MAGI2: variants seen among roughly 807,000 people sequenced by gnomAD.
MAGI2 encodes the protein membrane-associated guanylate kinase, WW and PDZ domain-containing protein 2.
In MAGI2, 35 loss-of-function variants were observed where a neutral mutation model predicts 133.3. The ratio of observed to expected loss-of-function variants is 0.26; its 90% confidence interval spans 0.20 to 0.35. The LOEUF is 0.35. Ranked by LOEUF, MAGI2 falls within the 10% of genes least tolerant of loss-of-function variation. The probability of loss-of-function intolerance (pLI) is 1.00; values close to 1 mark genes in which losing one functional copy is unlikely to be tolerated. For synonymous variants in MAGI2, 729 were observed against 710.6 expected, an observed-to-expected ratio of 1.03 and a Z score of -0.41; for missense variants, 1,636 against 1,863.4, an observed-to-expected ratio of 0.88 and a Z score of 2.25.
chr7:78,638,938 A>G (rs1290316502), intron 2 of MAGI2, among the ~76,000 whole-genome samples: 1 of 152,214 alleles, frequency 6.6e-6, no homozygotes, highest in African/African-American at 2.4e-5. Flanking sequence ...GAAAAGAAAG[A>G]TCAGTGACTT....
intron 2 of MAGI2, among the ~76,000 whole-genome samples, chr7:78,855,843 A>G (rs1235909952): frequency 2.0e-5 from 3 of 152,168 alleles, no homozygotes; most frequent in Non-Finnish European, 2.9e-5. Context: ...GTCTTCCACA[A>G]TGGTTGAACT....
intron 6 of MAGI2, among the ~76,000 whole-genome samples, chr7:78,397,431 G>T (rs535015368): frequency 4.4e-4 from 66 of 150,744 alleles, no homozygotes; most frequent in African/African-American, 1.6e-3. Flanking sequence ...CCATCAATAA[G>T]TTCCTTTGAT....
intron 1 of MAGI2, chr7:79,125,281 A>G (rs1249515483): frequency 4.0e-5 from 18 of 453,826 alleles, no homozygotes; most frequent in Non-Finnish European, 6.8e-5. Context: ...GCCCTGCCAA[A>G]ACAAGAGATG....
intron 1 of MAGI2, among the ~76,000 whole-genome samples, chr7:79,093,980 G>C (rs1817311541): frequency 6.6e-6 from 1 of 152,028 alleles, no homozygotes; most frequent in South Asian, 2.1e-4. Context: ...CTCCCAAAGT[G>C]CTGGAGTTAC....
rs189176553 is a variant in MAGI2 at position 78,804,533 on chromosome 7, C to T, written c.419-177294G>A. Among the ~76,000 whole-genome samples the T allele has an allele frequency of 5.3e-4, 74 of 140,950 alleles. 1 individual carries two copies. In the East Asian group the frequency reaches 0.014, roughly 26 times the overall value. The allele number at this position is 140,950 out of a possible 152,430, so 92.5% of individuals were successfully genotyped here. ...GGAGGCCGAGGCAGGCGGATCATGA[C>T]GTCAGGAAATCGAGACCCTCCTGGC... On this transcript the variant is annotated intron_variant, in intron 2 of 21. Coordinates refer to ENST00000354212, the MANE Select transcript of MAGI2 (RefSeq NM_012301.4).
chr7:79,303,386 C>G (rs1197343758), intron 1 of MAGI2, among the ~76,000 whole-genome samples: 4 of 152,074 alleles, frequency 2.6e-5, no homozygotes, highest in Admixed American at 2.0e-4. Flanking sequence ...ACTTTAGTAC[C>G]TTGGGATATT....
intron 1 of MAGI2, among the ~76,000 whole-genome samples, chr7:79,181,026 G>A (rs1826570562): frequency 1.3e-5 from 2 of 151,918 alleles, no homozygotes; most frequent in Admixed American, 1.3e-4. Flanking sequence ...CCACCTCTAT[G>A]GCTTTGCAGG....
intron 21 of MAGI2, among the ~76,000 whole-genome samples, chr7:78,071,419 C>T (rs551973953): frequency 1.3e-5 from 2 of 152,180 alleles, no homozygotes; most frequent in Non-Finnish European, 2.9e-5. Flanking sequence ...TACCTGTAGT[C>T]CCAGCTACTC....
chr7:78,467,626 T>A (rs571795315), intron 6 of MAGI2, among the ~76,000 whole-genome samples: 7 of 151,770 alleles, frequency 4.6e-5, no homozygotes, highest in African/African-American at 1.7e-4. Context: ...TAAAATGCAA[T>A]TTGGTGTGAG....
intron 1 of MAGI2, among the ~76,000 whole-genome samples, chr7:79,244,374 T>C (rs574438187): frequency 1.7e-4 from 26 of 152,282 alleles, no homozygotes; most frequent in Admixed American, 5.2e-4. Context: ...AAAGACAGCA[T>C]TGAATTGCTG....
chr7:78,224,069 G>A (rs376809051), intron 10 of MAGI2, among the ~76,000 whole-genome samples: 6 of 152,036 alleles, frequency 3.9e-5, no homozygotes, highest in African/African-American at 9.7e-5. Flanking sequence ...TTAGGGTAAC[G>A]CTTTCTCATT....
At chr7:78,027,516 T>C (rs1325662052) in intron 21 of MAGI2, among the ~76,000 whole-genome samples, 1 of 151,326 alleles carries the variant, frequency 6.6e-6, no homozygotes, top group Non-Finnish European at 1.5e-5. Context: ...TAATCCCAGC[T>C]ACTCGGGATG....
chr7:79,356,654 G>A (rs1278348206), intron 1 of MAGI2, among the ~76,000 whole-genome samples: 1 of 152,212 alleles, frequency 6.6e-6, no homozygotes, highest in South Asian at 2.1e-4. Context: ...AATTTCTGAT[G>A]AAAGAAACTG....
chr7:78,193,293 C>T (rs1828411965), intron 12 of MAGI2, among the ~76,000 whole-genome samples: 1 of 152,134 alleles, frequency 6.6e-6, no homozygotes, highest in Non-Finnish European at 1.5e-5. Flanking sequence ...TCTTAATGCT[C>T]CCTAAATGCA....
chr7:79,000,269 T>C (rs1440400311), intron 2 of MAGI2: 2 of 152,212 alleles, frequency 1.3e-5, no homozygotes, highest in African/African-American at 2.4e-5. Flanking sequence ...GCTTTTTTGG[T>C]GATCTAATCC....
chr7:78,531,818 T>C (rs969692648), intron 3 of MAGI2, among the ~76,000 whole-genome samples: 2 of 152,238 alleles, frequency 1.3e-5, no homozygotes, highest in Non-Finnish European at 2.9e-5. Flanking sequence ...AGGAGACCTC[T>C]ACGACTATTT....
intron 9 of MAGI2, among the ~76,000 whole-genome samples, chr7:78,259,420 A>C (rs1793307170): frequency 6.6e-6 from 1 of 152,216 alleles, no homozygotes; most frequent in South Asian, 2.1e-4. Flanking sequence ...GATGAACAAT[A>C]GTAATAGCAA....
chr7:78,349,761 C>G (rs1212397859), intron 7 of MAGI2, among the ~76,000 whole-genome samples: 1 of 152,162 alleles, frequency 6.6e-6, no homozygotes, highest in Non-Finnish European at 1.5e-5. Context: ...CTCACAAGCT[C>G]TAAAAGACTT....
At position 78,422,793 on chromosome 7, in the gene MAGI2, C is replaced by T. The variant is rs139414375; in HGVS notation, c.1046-53580G>A. On this transcript the variant is annotated intron_variant, in intron 6 of 21. Transcript: ENST00000354212. ...TAATTATTTGATTTAAATTTATTCC[C>T]ATTAAAAAACCTAGTCTTGCACAAA... is the stretch of plus-strand genomic sequence containing the variant. Among the ~76,000 whole-genome samples the T allele has an allele frequency of 1.1e-3, 160 of 152,176 alleles. 2 individuals are homozygous for T. Among genetic ancestry groups the T allele is most frequent in the African/African-American group, 3.5e-3 (147 of 41,536 alleles).
Sources: allele counts gnomAD v4.1 joint callset (sites outside exome capture counted in the v4.1 genomes callset), GRCh38; gene constraint gnomAD v4.1.1; transcripts MANE v1.5; gene names NCBI Gene and HGNC (gene_info 2026-07-23, HGNC 2026-07-21).